SF3B2: variants seen among roughly 807,000 people sequenced by gnomAD.
SF3B2 encodes the protein splicing factor 3b subunit 2.
SF3B2 carries 22 observed loss-of-function variants against 116.3 expected under a neutral mutation model. That is an observed-to-expected ratio of 0.19 (90% CI 0.14 to 0.27). SF3B2 has a LOEUF of 0.27. SF3B2 is among the 10% of genes least tolerant of loss of function. The probability of loss-of-function intolerance (pLI) is 1.00; values close to 1 mark genes in which losing one functional copy is unlikely to be tolerated. For synonymous variants in SF3B2, 406 were observed against 421.6 expected, an observed-to-expected ratio of 0.96 and a Z score of 0.45; for missense variants, 767 against 1,151.4, an observed-to-expected ratio of 0.67 and a Z score of 4.83.
chr11:66,068,750 C>T lies in SF3B2; in HGVS notation c.*5C>T. ...TATAAGGAGTTCAAGTTTTAGGTCC[C>T]CTCACACTAGCCCTTTTTTTGGCCC... On this transcript the variant is annotated 3_prime_UTR_variant, in exon 22 of 22. Transcript: ENST00000322535. 1.2e-6 allele frequency: 2 copies of T among 1,613,458 alleles called. No individual in the cohort carries two copies. Among genetic ancestry groups the T allele is most frequent in the Non-Finnish European group, 8.5e-7 (1 of 1,179,522 alleles).
chr11:66,068,103 T>C (rs1857218990), intron 20 of SF3B2, 45 bp from the exon 21 acceptor site: 2 of 1,612,612 alleles, frequency 1.2e-6, no homozygotes. Flanking sequence ...AAGCTAGGGC[T>C]TCTCTGACTC....
chr11:66,064,412 G>T (rs1024942337), intron 19 of SF3B2, among the ~76,000 whole-genome samples: 1 of 152,100 alleles, frequency 6.6e-6, no homozygotes, highest in Non-Finnish European at 1.5e-5. Flanking sequence ...CTTCCAGATA[G>T]TATTAAGAGC....
At chr11:66,068,108 T>A in intron 20 of SF3B2, 40 bp from the exon 21 acceptor site, 1 of 1,612,538 alleles carries the variant, frequency 6.2e-7, no homozygotes, top group Non-Finnish European at 8.5e-7. Context: ...AGGGCTTCTC[T>A]GACTCTTTGG....
chr11:66,054,269 G>A (rs868411222), intron 3 of SF3B2, among the ~76,000 whole-genome samples: 1 of 151,486 alleles, frequency 6.6e-6, no homozygotes, highest in Non-Finnish European at 1.5e-5. Context: ...TTGAGGTCAC[G>A]AGTTCAAGAC....
rs764653206 is a variant in SF3B2, at chr11:66,068,153, G to A, written c.2436G>A (p.Met812Ile). ...STHIYDMSTV[M>I]SRKGPAPELQ... ...GGCCCTGATCTCCTTTCCAGGTTATGAGCCGGAAGGGCCCGGCTCCTGAGC... is the reference window on the plus strand; with the variant it reads ...GGCCCTGATCTCCTTTCCAGGTTATAAGCCGGAAGGGCCCGGCTCCTGAGC... Residue 812 changes from methionine (M) to isoleucine (I), a missense_variant, in exon 21 of 22, where the codon ATG (methionine) becomes ATA (isoleucine). Coordinates refer to ENST00000322535, the MANE Select transcript of SF3B2 (RefSeq NM_006842.3). 1 of 1,614,054 alleles carries A rather than the reference G, an allele frequency of 6.2e-7. No homozygotes were observed. Among genetic ancestry groups the A allele is most frequent in the Non-Finnish European group, 8.5e-7 (1 of 1,180,016 alleles).
intron 6 of SF3B2, 60 bp downstream of exon 6, chr11:66,057,015 C>A: frequency 1.6e-6 from 2 of 1,265,930 alleles, no homozygotes; most frequent in Non-Finnish European, 2.3e-6. Context: ...TTTAAAAAGA[C>A]TTTTAAGGTA....
At chr11:66,061,807 C>T (rs766679053) in intron 15 of SF3B2, 32 bp downstream of exon 15, 83 of 1,605,712 alleles carry the variant, frequency 5.2e-5, no homozygotes, top group Middle Eastern at 4.9e-4. Context: ...GGGGAAGCAG[C>T]GAAGAGGCTG....
At chr11:66,058,240 G>T (rs1206843292) in intron 8 of SF3B2, 74 bp from the exon 9 acceptor site, 15 of 1,575,334 alleles carry the variant, frequency 9.5e-6, no homozygotes, top group African/African-American at 1.3e-5. Context: ...CTGGCTCTTG[G>T]TAAAGGCAGG....
Position 66,059,374 on chromosome 11 carries a change from C to T in SF3B2, c.1320+36C>T. The T allele has an allele frequency of 6.2e-7, 1 of 1,613,244 alleles. No individual in the cohort carries two copies. The highest frequency in any genetic ancestry group is 8.5e-7 in the Non-Finnish European group (1 of 1,179,534). On this transcript the variant is annotated intron_variant, in intron 11 of 21. Coordinates refer to ENST00000322535, the MANE Select transcript of SF3B2 (RefSeq NM_006842.3). The surrounding 1 kb of genome is among the most constrained non-coding windows in gnomAD (Gnocchi z 5.0). ...GCCCTCCTGGTGGGAAGCAGGGACTCTGGGCACAGGTGGCTGAGATGCATC... is the reference window on the plus strand; with the variant it reads ...GCCCTCCTGGTGGGAAGCAGGGACTTTGGGCACAGGTGGCTGAGATGCATC...
At chr11:66,063,752 A>G in intron 19 of SF3B2, 23 bp downstream of exon 19, 2 of 1,559,206 alleles carry the variant, frequency 1.3e-6, no homozygotes, top group Non-Finnish European at 1.7e-6. Context: ...GACAGGGCTG[A>G]GAGGGGAGGA....
In SF3B2 at chr11:66,063,031, C is replaced by G; in HGVS notation, c.2000C>G (p.Ala667Gly). The G allele has an allele frequency of 6.2e-7, 1 of 1,613,778 alleles. No homozygotes were observed. Among genetic ancestry groups the G allele is most frequent in the Non-Finnish European group, 8.5e-7 (1 of 1,179,790 alleles). ...CAGAGCTGTTCCTTTGGGTACCATG[C>G]TGGTGGCTGGGGCAAACCTCCAGTG... ...IPESCSFGYH[A>G]GGWGKPPVDE... The change falls in exon 17 of 22, where the codon GCT becomes GGT. Residue 667 changes from alanine (A) to glycine (G), a missense_variant. Coordinates refer to ENST00000322535, the MANE Select transcript of SF3B2 (RefSeq NM_006842.3).
chr11:66,055,332 C>T lies in SF3B2; in HGVS notation c.498+17C>T, dbSNP rs1199903712. The T allele has an allele frequency of 1.9e-6, 3 of 1,607,140 alleles. No homozygotes were observed. Among genetic ancestry groups the T allele is most frequent in the South Asian group, 2.2e-5 (2 of 90,232 alleles). ...GCCAAGCAGGTAGGGCAGGTGGCAG[C>T]CCTGGCCTTGGACTCATTAGGTCCC... On this transcript the variant is annotated intron_variant, in intron 4 of 21. Coordinates refer to ENST00000322535, the MANE Select transcript of SF3B2 (RefSeq NM_006842.3).
intron 16 of SF3B2, 152 bp from the exon 17 acceptor site, chr11:66,062,857 C>G (rs1215077665): frequency 1.3e-5 from 6 of 466,050 alleles, no homozygotes; most frequent in Non-Finnish European, 2.3e-5. Flanking sequence ...ATTTTGGTTT[C>G]TAATGCTTCA....
At chr11:66,068,649 C>T (rs1474122746) in intron 21 of SF3B2, 25 bp from the exon 22 acceptor site, 2 of 1,611,790 alleles carry the variant, frequency 1.2e-6, no homozygotes, top group South Asian at 1.1e-5. Flanking sequence ...CCTGTCTTAA[C>T]CTGTGTCTCT....
intron 19 of SF3B2, chr11:66,067,172 A>G (rs1857202525): frequency 3.9e-6 from 1 of 259,670 alleles, no homozygotes; most frequent in South Asian, 3.9e-5. Flanking sequence ...AGGAAGCAGA[A>G]GTCTCAAGCT....
At chr11:66,058,469 C>T (rs1857041878) in intron 9 of SF3B2, 64 bp downstream of exon 9, 1 of 1,301,546 alleles carries the variant, frequency 7.7e-7, no homozygotes, top group African/African-American at 1.5e-5. Flanking sequence ...GGAAATAACA[C>T]AATTTGTAAG....
chr11:66,056,495 G>C (rs184896116), intron 5 of SF3B2, among the ~76,000 whole-genome samples: 13 of 150,438 alleles, frequency 8.6e-5, no homozygotes. Context: ...GTGGATATAA[G>C]AAAAGAGCTC....
At chr11:66,065,708 G>A (rs1009939809) in intron 19 of SF3B2, 1 of 151,934 alleles carries the variant, frequency 6.6e-6, no homozygotes, top group Admixed American at 6.6e-5. Flanking sequence ...ATTGCTATAT[G>A]TTCAAGTTTA....
At position 66,061,823 on chromosome 11, in the gene SF3B2, G is replaced by A. The variant is rs192477078; in HGVS notation, c.1869+48G>A. 5.2e-5 allele frequency: 84 copies of A among 1,603,874 alleles called. No homozygotes were observed. The East Asian group carries it at 1.8e-3, about 34-fold the overall frequency. On this transcript the variant is annotated intron_variant, in intron 15 of 21. Transcript: ENST00000322535. ...GGGAAGCAGCGAAGAGGCTGGTGGG[G>A]ATTGGAGTGGAAGGCAGAGACAGGG... is the stretch of plus-strand genomic sequence containing the variant.
Sources: allele counts gnomAD v4.1 joint callset (sites outside exome capture counted in the v4.1 genomes callset), GRCh38; gene constraint gnomAD v4.1.1; non-coding constraint Gnocchi (gnomAD v3.1); transcripts MANE v1.5; gene names NCBI Gene and HGNC (gene_info 2026-07-23, HGNC 2026-07-21).